The following LATS1 variants were observed in gnomAD, a reference collection of about 807,000 sequenced individuals.
LATS1 encodes the protein large tumor suppressor kinase 1.
LATS1 carries 25 observed loss-of-function variants against 106.6 expected under a neutral mutation model. That is an observed-to-expected ratio of 0.23 (90% CI 0.17 to 0.33). LATS1 has a LOEUF of 0.33. LATS1 is among the 10% of genes least tolerant of loss of function. The probability of loss-of-function intolerance (pLI) is 1.00; values close to 1 mark genes in which losing one functional copy is unlikely to be tolerated. For missense variants in LATS1, 1,040 were observed against 1,382.6 expected, an observed-to-expected ratio of 0.75 and a Z score of 3.93; for synonymous variants, 465 against 455.6, an observed-to-expected ratio of 1.02 and a Z score of -0.26.
At chr6:149,681,186 T>A (rs1461638020) in intron 4 of LATS1, among the ~76,000 whole-genome samples, 1 of 152,096 alleles carries the variant, frequency 6.6e-6, no homozygotes, top group South Asian at 2.1e-4. Flanking sequence ...TATCAAAAAA[T>A]AGATTAAAAA....
Position 149,680,477 on chromosome 6 carries a change from G to A in LATS1, c.2011-20C>T. 6.7e-7 allele frequency: 1 copy of A among 1,488,426 alleles called. No homozygotes were observed. Among genetic ancestry groups the A allele is most frequent in the Non-Finnish European group, 9.1e-7 (1 of 1,093,662 alleles). The allele number at this position is 1,488,426 out of a possible 1,614,324, so 92.2% of individuals were successfully genotyped here. ...TCCAACCTAGGCAAATAAACTAGAT[G>A]TTAAATAAGAATTATCTTCTTCAAT... On this transcript the variant is annotated intron_variant, in intron 4 of 7. Transcript: ENST00000543571.
intron 5 of LATS1, among the ~76,000 whole-genome samples, chr6:149,679,444 C>G (rs538303804): frequency 2.7e-5 from 4 of 150,388 alleles, no homozygotes; most frequent in Non-Finnish European, 5.9e-5. Flanking sequence ...CCCAGCTACT[C>G]GGGAGGCTGA....
At chr6:149,715,570 T>C (rs1195767975) in intron 1 of LATS1, among the ~76,000 whole-genome samples, 1 of 152,206 alleles carries the variant, frequency 6.6e-6, no homozygotes, top group African/African-American at 2.4e-5. Flanking sequence ...AATATACATA[T>C]AGCATATTCC....
chr6:149,676,843 T>C, intron 5 of LATS1, 106 bp from the exon 6 acceptor site: 1 of 963,430 alleles, frequency 1.0e-6, no homozygotes, highest in Non-Finnish European at 1.5e-6. Context: ...CATTCTCCCT[T>C]GTGACAAACT....
chr6:149,701,675 G>T, intron 2 of LATS1, 104 bp downstream of exon 2: 1 of 742,804 alleles, frequency 1.3e-6, no homozygotes, highest in Non-Finnish European at 2.2e-6. Context: ...GTGTATACAG[G>T]GTTAAATTCT....
chr6:149,689,294 G>A (rs1782585285), intron 3 of LATS1, among the ~76,000 whole-genome samples: 1 of 151,952 alleles, frequency 6.6e-6, no homozygotes, highest in African/African-American at 2.4e-5. Context: ...GGATCTAAGA[G>A]GTAGCCAGGC....
In LATS1 at chr6:149,701,938, T is replaced by C; in HGVS notation, c.189A>G (p.Arg63=). 6.2e-7 allele frequency: 1 copy of C among 1,614,192 alleles called. No homozygotes were observed. The highest frequency in any genetic ancestry group is 8.5e-7 in the Non-Finnish European group (1 of 1,180,030). ...CAAATTTGGGTGGATTTCTGACTTG[T>C]CGAGGATCTTCGGTTGACATTTTAC... ...NMSKMSTEDP[R]QVRNPPKFGT... is the part of the protein sequence containing the mutation. Residue 63 remains arginine, a synonymous_variant, in exon 2 of 8, where the codon CGA becomes CGG. Coordinates refer to ENST00000543571, the MANE Select transcript of LATS1 (RefSeq NM_004690.4).
chr6:149,690,375 A>G lies in LATS1; in HGVS notation c.496+4699T>C, dbSNP rs531218318. 4.0e-5 allele frequency among the ~76,000 whole-genome samples: 6 copies of G among 151,380 alleles called. No individual in the cohort carries two copies. The East Asian group carries it at 9.8e-4, about 25-fold the overall frequency. On this transcript the variant is annotated intron_variant, in intron 3 of 7. Transcript: ENST00000543571. The stretch of plus-strand genomic sequence containing the variant: ...ATTACAGGCATGCACCACCACGCCC[A>G]GCTAATTTGGTATTTTTATTAGACA...
chr6:149,717,890 T>C lies in LATS1; in HGVS notation c.-182A>G. The C allele has an allele frequency of 2.7e-6, 1 of 372,100 alleles. No homozygotes were observed. Among genetic ancestry groups the C allele is most frequent in the Admixed American group, 3.7e-5 (1 of 26,726 alleles). 23.0% of individuals were successfully genotyped at this position (372,100 alleles called of 1,614,324 possible). Reference sequence around the variant, plus strand: ...AGCTCCTGGACAGCGGCCACGGGCCTGAGGGCGGACGCTGAGGCGGCCAGA... The same window carrying C: ...AGCTCCTGGACAGCGGCCACGGGCCCGAGGGCGGACGCTGAGGCGGCCAGA... On this transcript the variant is annotated 5_prime_UTR_variant, in exon 1 of 8. Coordinates refer to ENST00000543571, the MANE Select transcript of LATS1 (RefSeq NM_004690.4).
chr6:149,664,221 T>A (rs1781027021), intron 7 of LATS1, among the ~76,000 whole-genome samples: 1 of 145,354 alleles, frequency 6.9e-6, no homozygotes, highest in Admixed American at 6.8e-5. Flanking sequence ...ATGAATAAAA[T>A]TATATAAACT....
chr6:149,661,661 C>T lies in LATS1; in HGVS notation c.*68G>A, dbSNP rs1780890398. ...TGTCATATTTGCATAATTTTACTCT[C>T]AGAACCTCAAAACACCTCGCATTTC... On this transcript the variant is annotated 3_prime_UTR_variant, in exon 8 of 8. Coordinates refer to ENST00000543571, the MANE Select transcript of LATS1 (RefSeq NM_004690.4). The T allele has an allele frequency of 1.4e-6, 2 of 1,379,496 alleles. No individual in the cohort carries two copies. The highest frequency in any genetic ancestry group is 2.0e-6 in the Non-Finnish European group (2 of 1,021,278). 85.5% of individuals were successfully genotyped at this position (1,379,496 alleles called of 1,614,324 possible). A position where few individuals can be genotyped will look rare whatever the true frequency, so the allele number is the denominator to read the frequency against.
chr6:149,711,284 C>T (rs1784077663), intron 1 of LATS1, among the ~76,000 whole-genome samples: 1 of 151,852 alleles, frequency 6.6e-6, no homozygotes, highest in African/African-American at 2.4e-5. Flanking sequence ...GTGCCTCACA[C>T]CTGTAATTCC....
At chr6:149,710,579 A>C (rs978552103) in intron 1 of LATS1, among the ~76,000 whole-genome samples, 5 of 152,214 alleles carry the variant, frequency 3.3e-5, no homozygotes, top group Non-Finnish European at 7.3e-5. Flanking sequence ...TGCTACAATA[A>C]AAACCTATGC....
intron 5 of LATS1, 42 bp downstream of exon 5, chr6:149,679,833 T>C (rs1194140545): frequency 7.4e-7 from 1 of 1,342,592 alleles, no homozygotes; most frequent in Non-Finnish European, 1.0e-6. Context: ...ATAAATTACA[T>C]TATTATGAAC....
chr6:149,688,230 A>T (rs1328476723), intron 3 of LATS1, among the ~76,000 whole-genome samples: 1 of 151,748 alleles, frequency 6.6e-6, no homozygotes, highest in Non-Finnish European at 1.5e-5. Context: ...ATGGTCTATC[A>T]CTTTGTTCTT....
intron 3 of LATS1, among the ~76,000 whole-genome samples, 165 bp downstream of exon 3, chr6:149,694,909 T>A (rs1421176764): frequency 1.3e-5 from 2 of 152,204 alleles, no homozygotes; most frequent in African/African-American, 4.8e-5. Flanking sequence ...GAGGACCCCA[T>A]CCTTAAATTC....
chr6:149,661,347 ATAAAAC>A lies in LATS1; in HGVS notation c.*376_*381del, dbSNP rs1780875768. 1 of 237,644 alleles carries A rather than the reference ATAAAAC, an allele frequency of 4.2e-6. No homozygotes were observed. Among genetic ancestry groups the A allele is most frequent in the African/African-American group, 2.2e-5 (1 of 45,612 alleles). 14.7% of individuals were successfully genotyped at this position (237,644 alleles called of 1,614,324 possible). A position where few individuals can be genotyped will look rare whatever the true frequency, so the allele number is the denominator to read the frequency against. ...ATGTTTCATATTTGGTTAAAGCAAG[ATAAAAC>A]TAAAACTGTCTTTCAAAAAAATTTC... On this transcript the variant is annotated 3_prime_UTR_variant, in exon 8 of 8. Transcript: ENST00000543571.
intron 7 of LATS1, 105 bp from the exon 8 acceptor site, chr6:149,662,343 A>G: frequency 1.0e-6 from 1 of 969,430 alleles, no homozygotes; most frequent in African/African-American, 1.7e-5. Context: ...TGTATTTTAA[A>G]TAAATTACAT....
intron 3 of LATS1, among the ~76,000 whole-genome samples, chr6:149,694,400 C>A (rs766527715): frequency 5.9e-4 from 90 of 152,258 alleles, no homozygotes; most frequent in Non-Finnish European, 1.1e-3. Flanking sequence ...GGCAGGATCA[C>A]CCGGGCTTAG....
Sources: gnomAD v4.1 joint callset for allele counts (sites outside exome capture counted in the v4.1 genomes callset) on GRCh38, gnomAD v4.1.1 for gene constraint, MANE v1.5 for transcripts, NCBI Gene and HGNC (gene_info 2026-07-23, HGNC 2026-07-21) for gene names.